The following ARHGAP44 variants were observed in gnomAD, a reference collection of about 807,000 sequenced individuals.
ARHGAP44 encodes the protein Rho GTPase activating protein 44.
A neutral mutation model predicts 106.8 loss-of-function variants in ARHGAP44; 43 were observed. The observed-to-expected ratio is 0.40, with a 90% CI of 0.32 to 0.52. The LOEUF is 0.52. Among genes scored for constraint, ARHGAP44 ranks in the 20% least tolerant of loss-of-function variants. The pLI is 0.48. For missense variants in ARHGAP44, 866 were observed against 1,050.5 expected (o/e 0.82, Z 2.43); for synonymous variants, 439 against 410.3 (o/e 1.07, Z -0.85).
At chr17:12,922,705 TCTC>T in intron 6 of ARHGAP44, among the ~76,000 whole-genome samples, 1 of 152,214 alleles carries the variant, frequency 6.6e-6, no homozygotes, top group African/African-American at 2.4e-5. Context: ...GATGGTCCGT[TCTC>T]CTGCCTCAGC....
chr17:12,849,428 T>G (rs993567568), intron 1 of ARHGAP44, among the ~76,000 whole-genome samples: 15 of 152,168 alleles, frequency 9.9e-5, no homozygotes, highest in Admixed American at 2.0e-4. Flanking sequence ...CCTTAACATG[T>G]GTTTGTAACC....
intron 1 of ARHGAP44, among the ~76,000 whole-genome samples, chr17:12,835,198 A>G (rs78322265): frequency 2.0e-5 from 3 of 152,112 alleles, no homozygotes; most frequent in South Asian, 2.1e-4. Flanking sequence ...AAGGTTTTCA[A>G]CTAAGGTGTA....
intron 1 of ARHGAP44, among the ~76,000 whole-genome samples, chr17:12,861,365 AT>A (rs534566593): frequency 7.5e-4 from 114 of 152,270 alleles, no homozygotes; most frequent in African/African-American, 2.7e-3. Flanking sequence ...ACACAAATTT[AT>A]CATCTTACAG....
At position 12,801,736 on chromosome 17, in the gene ARHGAP44, T is replaced by A. The variant is rs190327823; in HGVS notation, c.53+11845T>A. Among the ~76,000 whole-genome samples, 317 of 152,240 alleles carry A rather than the reference T, an allele frequency of 2.1e-3. 2 individuals are homozygous for A. The highest frequency in any genetic ancestry group is 6.8e-3 in the Middle Eastern group (2 of 292). The stretch of plus-strand genomic sequence containing the variant: ...TAAGATTGTACAGTATTTTAAAAAA[T>A]GCATAGAAAAGTCTGGAAGGAAATC... On this transcript the variant is annotated intron_variant, in intron 1 of 20. Coordinates refer to ENST00000379672, the MANE Select transcript of ARHGAP44 (RefSeq NM_014859.6).
intron 1 of ARHGAP44, among the ~76,000 whole-genome samples, chr17:12,833,316 T>TA (rs1382700231): frequency 1.3e-5 from 2 of 152,230 alleles, no homozygotes; most frequent in Non-Finnish European, 2.9e-5. Context: ...TGTCTGTCTG[T>TA]ATTCATCATA....
intron 8 of ARHGAP44, among the ~76,000 whole-genome samples, chr17:12,943,010 A>C (rs890601380): frequency 6.6e-6 from 1 of 152,256 alleles, no homozygotes; most frequent in South Asian, 2.1e-4. Context: ...GATGTATACA[A>C]GTTAATGACA....
intron 20 of ARHGAP44, chr17:12,987,135 G>T: frequency 6.5e-7 from 1 of 1,533,858 alleles, no homozygotes; most frequent in Admixed American, 2.0e-5. Flanking sequence ...TTGGATACGT[G>T]TGAGGGGGAT....
intron 20 of ARHGAP44, chr17:12,987,182 C>T: frequency 6.6e-7 from 1 of 1,522,988 alleles, no homozygotes; most frequent in South Asian, 1.2e-5. Context: ...GCCCCTCCAC[C>T]CCGCTAGCTA....
intron 1 of ARHGAP44, among the ~76,000 whole-genome samples, chr17:12,865,450 T>C (rs1275803918): frequency 6.6e-6 from 1 of 152,080 alleles, no homozygotes; most frequent in Non-Finnish European, 1.5e-5. Flanking sequence ...TGGTAAAGTG[T>C]CAACATCAGT....
chr17:12,872,840 A>T (rs188321674), intron 1 of ARHGAP44, among the ~76,000 whole-genome samples: 169 of 152,278 alleles, frequency 1.1e-3, no homozygotes, highest in Non-Finnish European at 8.7e-4. Context: ...CTTCAATCAT[A>T]CATGACTTTA....
intron 6 of ARHGAP44, among the ~76,000 whole-genome samples, chr17:12,926,208 T>C (rs2038223598): frequency 6.6e-6 from 1 of 151,418 alleles, no homozygotes; most frequent in Admixed American, 6.6e-5. Context: ...CTACTAAAAA[T>C]ACAAAAATTA....
At position 12,895,080 on chromosome 17, in the gene ARHGAP44, G is replaced by A. The variant is rs918844224; in HGVS notation, c.93+101G>A. ...CAGGAGGTGGAGGTTGTAGTTAGCC[G>A]GGATCGTGCCACTACACTCCAGCCT... is the stretch of plus-strand genomic sequence containing the variant. On this transcript the variant is annotated intron_variant, in intron 2 of 20. Transcript: ENST00000379672. The A allele has an allele frequency of 2.7e-5, 30 of 1,105,090 alleles. No homozygotes were observed. In the South Asian group the frequency reaches 2.7e-4, roughly 10 times the overall value. 68.5% of individuals were successfully genotyped at this position (1,105,090 alleles called of 1,614,324 possible). A position where few individuals can be genotyped will look rare whatever the true frequency, so the allele number is the denominator to read the frequency against.
intron 1 of ARHGAP44, among the ~76,000 whole-genome samples, chr17:12,829,578 A>G (rs557347651): frequency 3.3e-5 from 5 of 152,290 alleles, no homozygotes; most frequent in East Asian, 3.9e-4. Context: ...TGGAAGTTCT[A>G]TTTGTTAGTG....
In ARHGAP44 at chr17:12,984,601, C is replaced by G. The variant is rs200711620; in HGVS notation, c.2010C>G (p.Ser670=). The change falls in exon 20 of 21, where the codon TCC becomes TCG. Residue 670 remains serine (S), a synonymous_variant. Transcript: ENST00000379672. ...AGCCGGGGGCTATGGCAGACCAGTCCGCTGGCCAGCCGTCCCCAGTCAGCC... is the reference window on the plus strand; with the variant it reads ...AGCCGGGGGCTATGGCAGACCAGTCGGCTGGCCAGCCGTCCCCAGTCAGCC... The part of the protein sequence containing the change: ...FGQPGAMADQ[S]AGQPSPVSLS... The G allele has an allele frequency of 1.2e-5, 19 of 1,606,252 alleles. No individual in the cohort carries two copies. In the Admixed American group the frequency reaches 3.2e-4, roughly 27 times the overall value.
At chr17:12,818,977 A>G (rs62060418) in intron 1 of ARHGAP44, among the ~76,000 whole-genome samples, 4,971 of 152,192 alleles carry the variant, frequency 0.033, 76 homozygotes, top group South Asian at 0.036. Context: ...ACAATCTAGA[A>G]AGAAGAACAG....
chr17:12,990,224 C>T lies in ARHGAP44; in HGVS notation c.*53C>T, dbSNP rs143048057. Reference sequence around the variant, plus strand: ...GTACATACATCACGGGCCCTAGGAACGCCGCCAGGAGCAGCGTCCATGAGC... The same window carrying T: ...GTACATACATCACGGGCCCTAGGAATGCCGCCAGGAGCAGCGTCCATGAGC... On this transcript the variant is annotated 3_prime_UTR_variant, in exon 21 of 21. Coordinates refer to ENST00000379672, the MANE Select transcript of ARHGAP44 (RefSeq NM_014859.6). 1,757 of 1,571,110 alleles carry T rather than the reference C, an allele frequency of 1.1e-3. 15 individuals are homozygous for T. Among genetic ancestry groups the T allele is most frequent in the East Asian group, 4.4e-3 (191 of 43,432 alleles).
chr17:12,847,021 G>GC (rs1279670375), intron 1 of ARHGAP44, among the ~76,000 whole-genome samples: 2 of 152,196 alleles, frequency 1.3e-5, no homozygotes, highest in Admixed American at 6.5e-5. Context: ...TGAAGTGGCA[G>GC]CTTGGGTTAA....
At chr17:12,814,138 G>C (rs1043879523) in intron 1 of ARHGAP44, among the ~76,000 whole-genome samples, 1 of 151,428 alleles carries the variant, frequency 6.6e-6, no homozygotes, top group Admixed American at 6.6e-5. Context: ...CTTCTCTTTG[G>C]GGTTTTTCAG....
intron 14 of ARHGAP44, among the ~76,000 whole-genome samples, 175 bp downstream of exon 14, chr17:12,956,155 A>T (rs911442454): frequency 3.3e-5 from 5 of 152,034 alleles, no homozygotes; most frequent in African/African-American, 1.2e-4. Context: ...AATTCTGCAG[A>T]TCTTTCTTTT....
Sources: gnomAD v4.1 joint callset for allele counts (sites outside exome capture counted in the v4.1 genomes callset) on GRCh38, gnomAD v4.1.1 for gene constraint, MANE v1.5 for transcripts, NCBI Gene and HGNC (gene_info 2026-07-23, HGNC 2026-07-21) for gene names.